OPCML: variants seen among roughly 807,000 people sequenced by gnomAD.
The protein encoded by OPCML is opioid-binding protein/cell adhesion molecule.
In OPCML, 13 loss-of-function variants were observed where a neutral mutation model predicts 37.8. The observed-to-expected ratio is 0.34, with a 90% confidence interval of 0.22 to 0.55. The LOEUF is 0.55. Among genes scored for constraint, OPCML ranks in the 20% least tolerant of loss-of-function variants. The pLI is 0.91. For synonymous variants in OPCML, 176 were observed against 168.8 expected (o/e 1.04, Z -0.33); for missense variants, 341 against 435.6 (o/e 0.78, Z 1.93).
intron 1 of OPCML, among the ~76,000 whole-genome samples, chr11:133,318,039 G>A (rs181000027): frequency 2.4e-4 from 36 of 152,338 alleles, no homozygotes; most frequent in African/African-American, 8.7e-4. Flanking sequence ...CTAAAGCACA[G>A]AGAGGTTGGG....
chr11:133,346,193 C>T (rs1943997514), intron 1 of OPCML, among the ~76,000 whole-genome samples: 1 of 152,162 alleles, frequency 6.6e-6, no homozygotes, highest in Non-Finnish European at 1.5e-5. Flanking sequence ...CTATAATGGA[C>T]TTTAGTTGTC....
intron 1 of OPCML, among the ~76,000 whole-genome samples, chr11:133,417,047 T>C (rs138446482): frequency 1.6e-4 from 24 of 152,312 alleles, no homozygotes; most frequent in African/African-American, 5.8e-4. Flanking sequence ...GAGAGTAAGG[T>C]GCCCAGAGAG....
chr11:132,510,193 C>A (rs2096265885), intron 4 of OPCML, among the ~76,000 whole-genome samples: 1 of 152,130 alleles, frequency 6.6e-6, no homozygotes, highest in African/African-American at 2.4e-5. Context: ...GCCAATTTCT[C>A]CCTTTTGGAA....
At position 132,881,663 on chromosome 11, in the gene OPCML, C is replaced by A. The variant is rs140828626; in HGVS notation, c.146+61263G>T. Among the ~76,000 whole-genome samples, 146 of 152,052 alleles carry A rather than the reference C, an allele frequency of 9.6e-4. 2 individuals carry two copies. Among genetic ancestry groups the A allele is most frequent in the African/African-American group, 3.4e-3 (140 of 41,514 alleles). On this transcript the variant is annotated intron_variant, in intron 2 of 7. Transcript: ENST00000524381. Reference sequence around the variant, plus strand: ...AGAAAAAAAGGCCGTCTTCAGAAAACAAAAAATGGCATGACTAGCTCTCTC... The same window carrying A: ...AGAAAAAAAGGCCGTCTTCAGAAAAAAAAAAATGGCATGACTAGCTCTCTC...
chr11:132,621,929 G>A (rs1358729175), intron 3 of OPCML, among the ~76,000 whole-genome samples: 1 of 152,080 alleles, frequency 6.6e-6, no homozygotes, highest in Non-Finnish European at 1.5e-5. Context: ...TCCCTCCATG[G>A]AATTTGTAGA....
At chr11:132,931,523 C>G (rs1945201283) in intron 2 of OPCML, among the ~76,000 whole-genome samples, 1 of 152,082 alleles carries the variant, frequency 6.6e-6, no homozygotes, top group African/African-American at 2.4e-5. Context: ...AGACATTTCT[C>G]CAAAGAAGGA....
intron 1 of OPCML, among the ~76,000 whole-genome samples, chr11:133,508,899 G>A (rs888206150): frequency 2.0e-5 from 3 of 152,042 alleles, no homozygotes; most frequent in Non-Finnish European, 2.9e-5. Flanking sequence ...GGGACAGAGC[G>A]ACAGGGCCTG....
At chr11:132,994,198 C>T (rs1412390525) in intron 1 of OPCML, among the ~76,000 whole-genome samples, 2 of 152,042 alleles carry the variant, frequency 1.3e-5, no homozygotes, top group Admixed American at 6.5e-5. Flanking sequence ...GCGGGAGTCC[C>T]CGCGCCGCAG....
chr11:133,305,631 A>G (rs1474920266), intron 1 of OPCML, among the ~76,000 whole-genome samples: 2 of 152,202 alleles, frequency 1.3e-5, no homozygotes, highest in African/African-American at 4.8e-5. Flanking sequence ...CCTGATGTAT[A>G]GATTTACATT....
At chr11:133,477,620 C>T (rs1947272772) in intron 1 of OPCML, among the ~76,000 whole-genome samples, 3 of 152,116 alleles carry the variant, frequency 2.0e-5, no homozygotes, top group Admixed American at 2.0e-4. Context: ...AGTAACGCAA[C>T]TGTAAAGAAA....
intron 1 of OPCML, among the ~76,000 whole-genome samples, chr11:133,231,059 A>G (rs1940254386): frequency 1.3e-5 from 2 of 152,234 alleles, no homozygotes. Context: ...CCCCGCTAGC[A>G]GCACAAGAGA....
At chr11:133,317,663 T>C (rs1943237526) in intron 1 of OPCML, among the ~76,000 whole-genome samples, 1 of 152,230 alleles carries the variant, frequency 6.6e-6, no homozygotes, top group South Asian at 2.1e-4. Flanking sequence ...TATGCTGTTG[T>C]ATCTCTGCCT....
chr11:133,186,584 G>A (rs746951621), intron 1 of OPCML, among the ~76,000 whole-genome samples: 4 of 152,034 alleles, frequency 2.6e-5, no homozygotes, highest in Non-Finnish European at 5.9e-5. Flanking sequence ...TCACCTCCTC[G>A]CTATTCTCAG....
intron 1 of OPCML, among the ~76,000 whole-genome samples, chr11:133,417,491 A>T (rs892874186): frequency 2.7e-5 from 4 of 149,866 alleles, no homozygotes; most frequent in African/African-American, 9.9e-5. Context: ...TTATTTATTT[A>T]TTATTATTAT....
intron 4 of OPCML, among the ~76,000 whole-genome samples, chr11:132,439,648 AAAC>A: frequency 6.6e-6 from 1 of 152,314 alleles, no homozygotes; most frequent in East Asian, 1.9e-4. Context: ...TTTAAGGATT[AAAC>A]AACAATGGAA....
In OPCML at chr11:133,344,160, C is replaced by T. The variant is rs767327503; in HGVS notation, c.61+188104G>A. On this transcript the variant is annotated intron_variant, in intron 1 of 7. Coordinates refer to ENST00000524381, the MANE Select transcript of OPCML (RefSeq NM_001012393.5). The stretch of plus-strand genomic sequence containing the variant: ...ATCAGCGTGCTCCCTCCCTAACTTC[C>T]GGTTTAGTCACACTCACACAATAGC... Among the ~76,000 whole-genome samples the T allele has an allele frequency of 4.0e-4, 61 of 152,182 alleles. 2 individuals carry two copies. Among genetic ancestry groups the T allele is most frequent in the African/African-American group, 1.4e-3 (56 of 41,438 alleles).
chr11:132,570,820 G>GAGAGAGAGAGA (rs1245612388), intron 3 of OPCML, among the ~76,000 whole-genome samples: 76 of 123,676 alleles, frequency 6.1e-4, no homozygotes, highest in African/African-American at 8.6e-4. Flanking sequence ...GAGAGAGAGA[G>GAGAGAGAGAGA]GATATATACT....
chr11:132,483,939 T>C (rs1199428970), intron 4 of OPCML, among the ~76,000 whole-genome samples: 15 of 152,104 alleles, frequency 9.9e-5, no homozygotes, highest in African/African-American at 3.6e-4. Context: ...AAGACTTAAA[T>C]GTTAGACCTA....
Position 132,690,672 on chromosome 11 carries a change from G to A in OPCML, c.147-33353C>T, listed in dbSNP as rs74771347. 8.6e-4 allele frequency among the ~76,000 whole-genome samples: 131 copies of A among 152,250 alleles called. 1 individual carries two copies. In the East Asian group the frequency reaches 0.013, roughly 15 times the overall value. On this transcript the variant is annotated intron_variant, in intron 2 of 7. Transcript: ENST00000524381. ...AAACATGGGATGTTTGAGTGTGTAC[G>A]TGTGTGTGCTCATGCGTGTGTGCCT...
Sources: allele counts gnomAD v4.1 joint callset (sites outside exome capture counted in the v4.1 genomes callset), GRCh38; gene constraint gnomAD v4.1.1; transcripts MANE v1.5; gene names NCBI Gene and HGNC (gene_info 2026-07-23, HGNC 2026-07-21).